Variants in RNF17 observed in about 807,000 individuals in gnomAD.
RNF17 encodes ring finger protein 17.
A neutral mutation model predicts 200.5 loss-of-function variants in RNF17; 31 were observed. The ratio of observed to expected loss-of-function variants is 0.15; its 90% CI spans 0.12 to 0.21. RNF17 has a LOEUF of 0.21. RNF17 is among the 10% of genes least tolerant of loss of function. The pLI, the probability that RNF17 is intolerant of heterozygous loss-of-function variation, is 1.00. For synonymous variants in RNF17, 606 were observed against 637.8 expected (o/e 0.95, Z 0.75); for missense variants, 1,628 against 1,905.1 (o/e 0.85, Z 2.71).
chr13:24,871,831 C>T (rs375250276), intron 32 of RNF17, among the ~76,000 whole-genome samples: 29 of 152,222 alleles, frequency 1.9e-4, no homozygotes, highest in African/African-American at 6.7e-4. Flanking sequence ...CAGGGTTTCA[C>T]TATCTTGGCC....
At chr13:24,774,014 A>C (rs905933743) in intron 2 of RNF17, among the ~76,000 whole-genome samples, 1 of 152,180 alleles carries the variant, frequency 6.6e-6, no homozygotes, top group African/African-American at 2.4e-5. Flanking sequence ...TCTCAGAAAA[A>C]AGTCAACCAT....
upstream of RNF17, among the ~76,000 whole-genome samples, chr13:24,763,667 C>T (rs916956448): frequency 6.6e-6 from 1 of 152,114 alleles, no homozygotes; most frequent in African/African-American, 2.4e-5. Context: ...ACTCTTGGCA[C>T]GCTGCCTTGT....
upstream of RNF17, chr13:24,764,067 A>G (rs1318096526): frequency 1.3e-6 from 1 of 773,986 alleles, no homozygotes; most frequent in East Asian, 2.5e-5. Context: ...CCCCATCAGG[A>G]GCGAGCTTGG....
chr13:24,852,188 G>T lies in RNF17; in HGVS notation c.3320+617G>T, dbSNP rs547304876. Among the ~76,000 whole-genome samples the T allele has an allele frequency of 2.3e-4, 34 of 148,728 alleles. 2 individuals are homozygous for T. In the South Asian group the frequency reaches 5.7e-3, roughly 25 times the overall value. ...GAGTCTGGCTCTGTCACCCAGGCTG[G>T]AGTGCAGTGGCGCAATCTCGGCTCA... On this transcript the variant is annotated intron_variant, in intron 24 of 35. Transcript: ENST00000255324.
chr13:24,778,457 G>A (rs1353136167), intron 4 of RNF17, 51 bp downstream of exon 4: 1 of 1,150,938 alleles, frequency 8.7e-7, no homozygotes, highest in Non-Finnish European at 1.3e-6. Context: ...GTTTGACTTT[G>A]TCTCTAGTAG....
At chr13:24,865,090 T>C (rs1035963531) in intron 29 of RNF17, 92 bp downstream of exon 29, 6 of 935,872 alleles carry the variant, frequency 6.4e-6, no homozygotes, top group Non-Finnish European at 9.7e-6. Context: ...TAAATATGAT[T>C]CTACATATCT....
At chr13:24,847,349 A>ATTTT (rs58067264) in intron 22 of RNF17, among the ~76,000 whole-genome samples, 1 of 138,868 alleles carries the variant, frequency 7.2e-6, no homozygotes, top group African/African-American at 2.7e-5. Context: ...TTATTTATTT[A>ATTTT]TTTTTTTTTT....
chr13:24,781,801 A>G, intron 5 of RNF17, 43 bp from the exon 6 acceptor site: 1 of 1,414,776 alleles, frequency 7.1e-7, no homozygotes, highest in Non-Finnish European at 9.6e-7. Context: ...TACAAAATAA[A>G]AATTCCCAAA....
chr13:24,811,838 G>A (rs893255578), intron 15 of RNF17, among the ~76,000 whole-genome samples: 1 of 152,032 alleles, frequency 6.6e-6, no homozygotes, highest in African/African-American at 2.4e-5. Flanking sequence ...TGTCCTTTCT[G>A]TTTGTTAGTT....
chr13:24,878,751 TC>T (rs1362486948), intron 34 of RNF17, among the ~76,000 whole-genome samples: 1 of 151,590 alleles, frequency 6.6e-6, no homozygotes, highest in Non-Finnish European at 1.5e-5. Flanking sequence ...TGGGTCTTCC[TC>T]TCTGTCCACT....
chr13:24,796,728 G>C (rs1487585554), intron 11 of RNF17, among the ~76,000 whole-genome samples: 1 of 152,124 alleles, frequency 6.6e-6, no homozygotes, highest in Non-Finnish European at 1.5e-5. Context: ...CCCTACAGAG[G>C]ATAATTGTAA....
At chr13:24,843,142 T>A (rs377543781) in intron 19 of RNF17, among the ~76,000 whole-genome samples, 27 of 152,300 alleles carry the variant, frequency 1.8e-4, no homozygotes, top group African/African-American at 6.3e-4. Context: ...CTCACTCCCA[T>A]GCTGGAGGAG....
chr13:24,758,508 C>T, the RNF17 span, among the ~76,000 whole-genome samples: 3 of 152,258 alleles, frequency 2.0e-5, no homozygotes, highest in Admixed American at 1.3e-4. Flanking sequence ...GAAGCTGATA[C>T]AGAAGGAGAT....
intron 10 of RNF17, among the ~76,000 whole-genome samples, chr13:24,795,359 C>T (rs1415457576): frequency 1.0e-5 from 1 of 98,496 alleles, no homozygotes; most frequent in African/African-American, 4.4e-5. Context: ...TAAATAAACA[C>T]ACACAAATTA....
chr13:24,813,083 T>C (rs1358488523), intron 15 of RNF17, among the ~76,000 whole-genome samples: 1 of 152,228 alleles, frequency 6.6e-6, no homozygotes, highest in East Asian at 1.9e-4. Context: ...TCCTTATTTA[T>C]TGGCCATTTG....
chr13:24,822,816 CAG>C, intron 15 of RNF17, among the ~76,000 whole-genome samples: 1 of 152,340 alleles, frequency 6.6e-6, no homozygotes, highest in Admixed American at 6.5e-5. Flanking sequence ...TGCTGTGACA[CAG>C]AAACTTCTGA....
intron 23 of RNF17, among the ~76,000 whole-genome samples, 179 bp downstream of exon 23, chr13:24,850,622 T>G (rs996004955): frequency 6.6e-6 from 1 of 152,260 alleles, no homozygotes; most frequent in African/African-American, 2.4e-5. Context: ...AAAATATTCT[T>G]TGCTTTCTTT....
At chr13:24,779,534 ACT>A (rs1482012372) in intron 4 of RNF17, 131 bp from the exon 5 acceptor site, 3 of 564,604 alleles carry the variant, frequency 5.3e-6, no homozygotes, top group Admixed American at 3.2e-5. Context: ...GCTTGTTTTC[ACT>A]TTTCTGTAGT....
intron 33 of RNF17, 35 bp from the exon 34 acceptor site, chr13:24,876,962 A>C: frequency 2.1e-5 from 31 of 1,504,850 alleles, no homozygotes; most frequent in African/African-American, 2.8e-5. Context: ...TTCAGCCGGA[A>C]GAGAATTTTA....
Sources: gnomAD v4.1 joint callset for allele counts (sites outside exome capture counted in the v4.1 genomes callset) on GRCh38, gnomAD v4.1.1 for gene constraint, MANE v1.5 for transcripts, NCBI Gene and HGNC (gene_info 2026-07-23, HGNC 2026-07-21) for gene names.